The following UTRN variants were observed in gnomAD, a reference collection of about 807,000 sequenced individuals.
The protein encoded by UTRN is utrophin, also known as dystrophin-related protein 1.
UTRN carries 283 observed loss-of-function variants against 463.9 expected under a neutral mutation model. The ratio of observed to expected loss-of-function variants is 0.61; its 90% CI spans 0.55 to 0.67. The LOEUF (loss-of-function observed/expected upper bound fraction) is 0.67, where lower values mean the gene tolerates loss of function less well. UTRN is among the 30% of genes least tolerant of loss of function. UTRN has a pLI of 0.00. For missense variants in UTRN, 3,922 were observed against 4,084.3 expected (o/e 0.96, Z 1.08); for synonymous variants, 1,442 against 1,431.5 (o/e 1.01, Z -0.17).
intron 13 of UTRN, 36 bp from the exon 14 acceptor site, chr6:144,444,245 G>T (rs1787444974): frequency 6.5e-7 from 1 of 1,527,120 alleles, no homozygotes; most frequent in South Asian, 1.1e-5. Flanking sequence ...CTCTCTTAAG[G>T]CTGTGTTGAC....
chr6:144,637,920 G>A (rs569397563), intron 51 of UTRN, among the ~76,000 whole-genome samples: 132 of 152,040 alleles, frequency 8.7e-4, no homozygotes, highest in Non-Finnish European at 1.5e-3. Context: ...GCTTCTTTAC[G>A]TGAGCCTTTT....
intron 65 of UTRN, among the ~76,000 whole-genome samples, chr6:144,811,941 G>A (rs976285914): frequency 6.6e-6 from 1 of 152,116 alleles, no homozygotes; most frequent in Non-Finnish European, 1.5e-5. Flanking sequence ...CTGTTTGCGT[G>A]CCAAGTGACT....
At chr6:144,314,602 G>T (rs1248875177) in intron 2 of UTRN, among the ~76,000 whole-genome samples, 1 of 152,146 alleles carries the variant, frequency 6.6e-6, no homozygotes, top group Non-Finnish European at 1.5e-5. Context: ...AAAGGCTATG[G>T]CCCATATGCC....
chr6:144,490,307 A>G (rs1792933305), intron 31 of UTRN, 108 bp downstream of exon 31: 1 of 1,456,832 alleles, frequency 6.9e-7, no homozygotes, highest in South Asian at 1.4e-5. Flanking sequence ...TTGTGATGTA[A>G]ACCATGGGAT....
In UTRN at chr6:144,852,829, T is replaced by A. The variant is rs11546881; in HGVS notation, c.*1832T>A. The A allele has an allele frequency of 1.3e-5, 2 of 152,758 alleles. 1 individual carries two copies. The highest frequency in any genetic ancestry group is 3.9e-4 in the East Asian group (2 of 5,180). 9.5% of individuals were successfully genotyped at this position (152,758 alleles called of 1,614,324 possible). A position where few individuals can be genotyped will look rare whatever the true frequency, so the allele number is the denominator to read the frequency against. ...GCCTGTATTTGTATGCAAAATGTCCTCTATCTGCTATTAAAGAAAAGCTAC... is the reference window on the plus strand; with the variant it reads ...GCCTGTATTTGTATGCAAAATGTCCACTATCTGCTATTAAAGAAAAGCTAC... On this transcript the variant is annotated 3_prime_UTR_variant, in exon 75 of 75. Transcript: ENST00000367545.
At chr6:144,409,199 C>A (rs994267811) in intron 3 of UTRN, among the ~76,000 whole-genome samples, 7 of 152,134 alleles carry the variant, frequency 4.6e-5, no homozygotes, top group Non-Finnish European at 8.8e-5. Flanking sequence ...TGTTTTCATT[C>A]AATTTGAATT....
chr6:144,846,522 G>T (rs1160534478), intron 73 of UTRN, among the ~76,000 whole-genome samples: 1 of 152,136 alleles, frequency 6.6e-6, no homozygotes, highest in Non-Finnish European at 1.5e-5. Context: ...TAGGAAATGA[G>T]ATTTTTTGCA....
chr6:144,439,957 C>T (rs1179114821), intron 12 of UTRN, among the ~76,000 whole-genome samples: 1 of 152,204 alleles, frequency 6.6e-6, no homozygotes, highest in Non-Finnish European at 1.5e-5. Flanking sequence ...TCTCTTTATA[C>T]TGTCCTACAC....
chr6:144,709,755 G>T (rs1404066738), intron 53 of UTRN, among the ~76,000 whole-genome samples: 2 of 152,150 alleles, frequency 1.3e-5, no homozygotes, highest in Admixed American at 1.3e-4. Flanking sequence ...CAAAAGGTAT[G>T]ATCTCATAAA....
intron 53 of UTRN, among the ~76,000 whole-genome samples, chr6:144,723,118 T>C (rs1787390708): frequency 6.6e-6 from 1 of 152,186 alleles, no homozygotes; most frequent in African/African-American, 2.4e-5. Context: ...AGTGAATCCA[T>C]ACCATCCATG....
intron 51 of UTRN, among the ~76,000 whole-genome samples, chr6:144,667,617 A>T (rs1780558797): frequency 6.6e-6 from 1 of 152,210 alleles, no homozygotes; most frequent in Non-Finnish European, 1.5e-5. Flanking sequence ...ATTGCAAAAC[A>T]CTATCTGCAC....
intron 51 of UTRN, among the ~76,000 whole-genome samples, chr6:144,595,737 G>T (rs1803576941): frequency 6.6e-6 from 1 of 152,136 alleles, no homozygotes; most frequent in South Asian, 2.1e-4. Flanking sequence ...TTAGATGCTG[G>T]GAAGGCTTGA....
At chr6:144,782,985 T>G (rs1049195703) in intron 61 of UTRN, among the ~76,000 whole-genome samples, 8 of 151,992 alleles carry the variant, frequency 5.3e-5, no homozygotes, top group African/African-American at 1.7e-4. Flanking sequence ...CACCTGAGGT[T>G]AGGAGTTCGA....
At chr6:144,769,162 T>C (rs1327797910) in intron 58 of UTRN, among the ~76,000 whole-genome samples, 1 of 152,044 alleles carries the variant, frequency 6.6e-6, no homozygotes, top group Non-Finnish European at 1.5e-5. Context: ...TATTCTGTTT[T>C]GGTTGCCTAC....
At chr6:144,374,882 G>T (rs1191494524) in intron 2 of UTRN, among the ~76,000 whole-genome samples, 2 of 149,234 alleles carry the variant, frequency 1.3e-5, no homozygotes, top group Non-Finnish European at 3.0e-5. Flanking sequence ...GGAGGCGGAG[G>T]TTGCAGTGAG....
At chr6:144,632,723 CT>C (rs34600667) in intron 51 of UTRN, among the ~76,000 whole-genome samples, 16,002 of 142,142 alleles carry the variant, frequency 0.11, 1,316 homozygotes, top group East Asian at 0.52. Flanking sequence ...TAAACTTTTA[CT>C]TTTTTTTTTT....
chr6:144,842,513 T>C (rs1781673319), intron 73 of UTRN, among the ~76,000 whole-genome samples: 1 of 152,170 alleles, frequency 6.6e-6, no homozygotes, highest in Non-Finnish European at 1.5e-5. Flanking sequence ...CGCTTGAACC[T>C]GGGAGGCTGA....
At chr6:144,845,762 G>A (rs1375885169) in intron 73 of UTRN, among the ~76,000 whole-genome samples, 1 of 152,142 alleles carries the variant, frequency 6.6e-6, no homozygotes, top group Non-Finnish European at 1.5e-5. Context: ...TCTCCTGGAT[G>A]TAACTTACAG....
intron 51 of UTRN, among the ~76,000 whole-genome samples, chr6:144,597,938 A>G (rs565556369): frequency 6.6e-6 from 1 of 152,348 alleles, no homozygotes; most frequent in Non-Finnish European, 1.5e-5. Context: ...ACACTGCCAG[A>G]TAACCTGAAT....
Sources: allele counts gnomAD v4.1 joint callset (sites outside exome capture counted in the v4.1 genomes callset), GRCh38; gene constraint gnomAD v4.1.1; transcripts MANE v1.5; gene names NCBI Gene and HGNC (gene_info 2026-07-23, HGNC 2026-07-21).